FBXW5: variants seen among roughly 807,000 people sequenced by gnomAD.
FBXW5 encodes the protein F-box and WD repeat domain containing 5, also known as F-box/WD repeat-containing protein 5.
FBXW5 carries 74 observed loss-of-function variants against 50.9 expected under a neutral mutation model. The observed-to-expected ratio is 1.45, with a 90% confidence interval of 1.20 to 1.76. The LOEUF is 1.76. Among genes scored for constraint, FBXW5 ranks in the 40% most tolerant of loss-of-function variants. FBXW5 has a pLI of 0.00. For synonymous variants in FBXW5, 523 were observed against 362.2 expected, an observed-to-expected ratio of 1.44 and a Z score of -5.04; for missense variants, 1,073 against 818.8, an observed-to-expected ratio of 1.31 and a Z score of -3.79.
chr9:136,942,718 C>A (rs975725477), intron 4 of FBXW5, 23 bp from the exon 5 acceptor site: 26 of 1,610,068 alleles, frequency 1.6e-5, no homozygotes, highest in Non-Finnish European at 2.1e-5. Flanking sequence ...CGGGGCTGGA[C>A]AGGCTGTCGG....
chr9:136,943,145 T>G (rs1041873348), intron 3 of FBXW5: 2 of 1,025,954 alleles, frequency 1.9e-6, no homozygotes, highest in Admixed American at 2.2e-5. Context: ...CGGCTGTGTG[T>G]GGGACCCTCT....
At chr9:136,943,075 C>A in intron 3 of FBXW5, 132 bp from the exon 4 acceptor site, 1 of 1,364,528 alleles carries the variant, frequency 7.3e-7, no homozygotes, top group Non-Finnish European at 1.0e-6. Flanking sequence ...CCCCTTCCAG[C>A]CACTGTCATC....
chr9:136,943,655 C>T, intron 2 of FBXW5, 149 bp from the exon 3 acceptor site: 1 of 1,198,242 alleles, frequency 8.3e-7, no homozygotes. Context: ...GGATTCAACC[C>T]TGTAGCTCAC....
chr9:136,944,313 C>A (rs1850947035), intron 1 of FBXW5: 2 of 612,724 alleles, frequency 3.3e-6, no homozygotes, highest in Non-Finnish European at 4.6e-6. Flanking sequence ...ATCCCCCGGC[C>A]TCCTGCGGCC....
chr9:136,943,401 A>G lies in FBXW5; in HGVS notation c.299T>C (p.Phe100Ser), dbSNP rs759963739. Residue 100 changes from phenylalanine (F) to serine (S), a missense_variant, in exon 3 of 9, where the codon TTC becomes TCC. Phe to Ser is a radical substitution (Grantham distance 155, BLOSUM62 -2). Coordinates refer to ENST00000325285, the MANE Select transcript of FBXW5 (RefSeq NM_018998.4). ...EHTDQVLHLS[F>S]SHSGYQFASC... ...CGCGAACTGGTACCCGGAATGGGAG[A>G]AGCTGAGGTGCAGGACCTGGTCTGT... is the stretch of plus-strand genomic sequence containing the variant. 6.2e-7 allele frequency: 1 copy of G among 1,612,848 alleles called. No individual in the cohort carries two copies. The highest frequency in any genetic ancestry group is 8.5e-7 in the Non-Finnish European group (1 of 1,179,948).
Position 136,944,736 on chromosome 9 carries a change from G to A in FBXW5, c.-166C>T. On this transcript the variant is annotated 5_prime_UTR_variant, in exon 1 of 9. Coordinates refer to ENST00000325285, the MANE Select transcript of FBXW5 (RefSeq NM_018998.4). Reference sequence around the variant, plus strand: ...CACGAGCCCCGAGGCATCGATGGCCGAGGAAGGCAGAGCGCGCGGGTAGCC... The same window carrying A: ...CACGAGCCCCGAGGCATCGATGGCCAAGGAAGGCAGAGCGCGCGGGTAGCC... The A allele has an allele frequency of 4.1e-6, 4 of 985,554 alleles. No homozygotes were observed. Among genetic ancestry groups the A allele is most frequent in the Non-Finnish European group, 4.8e-6 (4 of 829,928 alleles). The allele number at this position is 985,554 out of a possible 1,614,324, so 61.1% of individuals were successfully genotyped here. A position where few individuals can be genotyped will look rare whatever the true frequency, so the allele number is the denominator to read the frequency against.
chr9:136,942,173 TAGCATGCGCTCCGAC>T lies in FBXW5; in HGVS notation c.954_968del (p.Ser319_Leu323del). On this transcript the variant is annotated inframe_deletion, in exon 6 of 9. Transcript: ENST00000325285. ...CCAGCAGCTCGGCCACCTTGGTCTC[TAGCATGCGCTCCGAC>T]AGCTGTGGCTGCGCCCGCCCCTCCA... 6.3e-7 allele frequency: 1 copy of T among 1,598,400 alleles called. No individual in the cohort carries two copies. The highest frequency in any genetic ancestry group is 8.5e-7 in the Non-Finnish European group (1 of 1,173,398).
chr9:136,943,790 C>T (rs893115856), intron 2 of FBXW5, 101 bp downstream of exon 2: 9 of 1,320,494 alleles, frequency 6.8e-6, no homozygotes, highest in Admixed American at 2.3e-5. Flanking sequence ...AGCATGGACA[C>T]GCGGGGCCGC....
rs1469755541 is a variant in FBXW5 at position 136,941,349 on chromosome 9, C to A, written c.1359G>T (p.Met453Ile). The change falls in exon 8 of 9, where the codon ATG (methionine) becomes ATT (isoleucine). Residue 453 changes from methionine to isoleucine, a missense_variant. Coordinates refer to ENST00000325285, the MANE Select transcript of FBXW5 (RefSeq NM_018998.4). ...IDLLVFDLKT[M>I]REVRRALRAH... ...CACGCAGAGCCCGCCTCACCTCCCG[C>A]ATGGTCTTGAGGTCGAACACCAGCA... 1 of 1,611,676 alleles carries A rather than the reference C, an allele frequency of 6.2e-7. No individual in the cohort carries two copies. The highest frequency in any genetic ancestry group is 1.1e-5 in the South Asian group (1 of 91,090).
At position 136,940,801 on chromosome 9, in the gene FBXW5, G is replaced by C; in HGVS notation, c.*127C>G. The C allele has an allele frequency of 1.5e-6, 2 of 1,362,150 alleles. No homozygotes were observed. The highest frequency in any genetic ancestry group is 2.0e-6 in the Non-Finnish European group (2 of 1,020,330). 84.4% of individuals were successfully genotyped at this position (1,362,150 alleles called of 1,614,324 possible). A position where few individuals can be genotyped will look rare whatever the true frequency, so the allele number is the denominator to read the frequency against. On this transcript the variant is annotated 3_prime_UTR_variant, in exon 9 of 9. Transcript: ENST00000325285. ...AGGTTTGTGTGTGAGCGTGTGGCGG[G>C]GCCTGGTTGTCCCCTTCCTAAGGCG... is the stretch of plus-strand genomic sequence containing the variant.
In FBXW5 at chr9:136,942,307, T is replaced by TGC. The variant is rs1850807756; in HGVS notation, c.833_834dup (p.Ile279AlafsTer46). 3 of 1,597,648 alleles carry TGC rather than the reference T, an allele frequency of 1.9e-6. No individual in the cohort carries two copies. The East Asian group carries it at 6.8e-5, about 36-fold the overall frequency. On this transcript the variant is annotated frameshift_variant, in exon 6 of 9. Coordinates refer to ENST00000325285, the MANE Select transcript of FBXW5 (RefSeq NM_018998.4). LOFTEE classifies it high-confidence loss of function. The stretch of plus-strand genomic sequence containing the variant: ...TCGTTGTCGCTGCCCAGGTCAAAGA[T>TGC]GCGGCAGGGGGACGTGGCCGGGTCA...
rs1373592640 is a variant in FBXW5, at chr9:136,943,488, T to C, written c.212A>G (p.Glu71Gly). The C allele has an allele frequency of 6.2e-7, 1 of 1,611,292 alleles. No individual in the cohort carries two copies. Residue 71 changes from glutamate (E) to glycine (G), a missense_variant, in exon 3 of 9, where the codon GAG (glutamate) becomes GGG (glycine). Physicochemically the swap from Glu to Gly is moderately conservative, Grantham distance 98. Transcript: ENST00000325285. ...PRHPAAMSWYEEFQRLYDTVP... is the reference protein window; with the variant it reads ...PRHPAAMSWYGEFQRLYDTVP... ...CGTGTCATACAGCCGCTGGAACTCC[T>C]CGTACCAGGACATGGCCGCTGCGGG...
In FBXW5 at chr9:136,944,653, T is replaced by A. The variant is rs1850967157; in HGVS notation, c.-83A>T. 1 of 984,516 alleles carries A rather than the reference T, an allele frequency of 1.0e-6. No individual in the cohort carries two copies. Among genetic ancestry groups the A allele is most frequent in the Non-Finnish European group, 1.2e-6 (1 of 829,114 alleles). The allele number at this position is 984,516 out of a possible 1,614,324, so 61.0% of individuals were successfully genotyped here. ...CTGCGCGACCCGGACCCGCTTCCGC[T>A]GCCGCAGCCGCTCGGACCGCCGCCC... On this transcript the variant is annotated 5_prime_UTR_variant, in exon 1 of 9. Coordinates refer to ENST00000325285, the MANE Select transcript of FBXW5 (RefSeq NM_018998.4).
Position 136,940,958 on chromosome 9 carries a change from G to C in FBXW5, c.1671C>G (p.Phe557Leu), listed in dbSNP as rs764064558. 3.2e-6 allele frequency: 5 copies of C among 1,570,288 alleles called. No individual in the cohort carries two copies. The highest frequency in any genetic ancestry group is 4.3e-6 in the Non-Finnish European group (5 of 1,158,284). ...LQAPRPRPRT[F>L]FSWLASQRR is the part of the protein sequence containing the mutation. ...GCCTCTGGCTGGCAAGCCAGGAGAA[G>C]AAGGTGCGAGGCCGTGGGCGAGGTG... Residue 557 changes from phenylalanine to leucine, a missense_variant, in exon 9 of 9, where the codon TTC becomes TTG. Coordinates refer to ENST00000325285, the MANE Select transcript of FBXW5 (RefSeq NM_018998.4).
chr9:136,943,292 G>T (rs906243556), intron 3 of FBXW5, 57 bp downstream of exon 3: 6 of 1,555,940 alleles, frequency 3.9e-6, no homozygotes, highest in Admixed American at 1.7e-5. Context: ...TGGGTCCTGG[G>T]ACCTCCGTGC....
rs753199896 is a variant in FBXW5, at chr9:136,941,110, G to A, written c.1519C>T (p.Leu507=). The change falls in exon 9 of 9, where the codon CTG becomes TTG. Residue 507 remains leucine, a synonymous_variant. Transcript: ENST00000325285. Reference sequence around the variant, plus strand: ...GAGTTGACCACATCCTCGTGCCGCAGCCTGGCCAGACAGATGTTGTAGTGG... The same window carrying A: ...GAGTTGACCACATCCTCGTGCCGCAACCTGGCCAGACAGATGTTGTAGTGG... The part of the protein sequence containing the change: ...DRHYNICLAR[L]RHEDVVNSVV... 3.1e-6 allele frequency: 5 copies of A among 1,592,978 alleles called. No homozygotes were observed. The highest frequency in any genetic ancestry group is 2.3e-5 in the South Asian group (2 of 88,362).
chr9:136,942,185 C>G lies in FBXW5; in HGVS notation c.957G>C (p.Ser319=). 6.3e-7 allele frequency: 1 copy of G among 1,590,274 alleles called. No homozygotes were observed. The highest frequency in any genetic ancestry group is 8.5e-7 in the Non-Finnish European group (1 of 1,169,782). ...CCACCTTGGTCTCTAGCATGCGCTC[C>G]GACAGCTGTGGCTGCGCCCGCCCCT... The part of the protein sequence containing the change: ...VLEGRAQPQL[S]ERMLETKVAE... Residue 319 remains serine, a synonymous_variant, in exon 6 of 9, where the codon TCG becomes TCC. Coordinates refer to ENST00000325285, the MANE Select transcript of FBXW5 (RefSeq NM_018998.4).
At chr9:136,943,789 ACGCGGGGC>A (rs1328978778) in intron 2 of FBXW5, 94 bp downstream of exon 2, 13 of 1,314,394 alleles carry the variant, frequency 9.9e-6, no homozygotes, top group East Asian at 5.0e-5. Flanking sequence ...GAGCATGGAC[ACGCGGGGC>A]CGCGGGGCGG....
In FBXW5 at chr9:136,942,957, G is replaced by A. The variant is rs760469417; in HGVS notation, c.352-14C>T. ...GTTGCTCCAGATCTGTTCGGCAGGG[G>A]CGGCTGTAGTGATCGCCTGGCCAGG... On this transcript the variant is annotated splice_polypyrimidine_tract_variant and intron_variant, in intron 3 of 8. Coordinates refer to ENST00000325285, the MANE Select transcript of FBXW5 (RefSeq NM_018998.4). The A allele has an allele frequency of 9.7e-5, 156 of 1,612,530 alleles. No individual in the cohort carries two copies. The highest frequency in any genetic ancestry group is 3.3e-4 in the Middle Eastern group (2 of 6,072).
Sources: gnomAD v4.1 joint callset for allele counts on GRCh38, gnomAD v4.1.1 for gene constraint, MANE v1.5 for transcripts, NCBI Gene and HGNC (gene_info 2026-07-23, HGNC 2026-07-21) for gene names.